Variants in SLC8A3 observed in about 807,000 individuals in gnomAD.
SLC8A3 encodes the protein sodium/calcium exchanger 3.
Under a neutral mutation model 65.4 loss-of-function variants are expected in SLC8A3, and 37 were observed. The observed-to-expected ratio is 0.57, with a 90% CI of 0.44 to 0.74. The LOEUF (loss-of-function observed/expected upper bound fraction) is 0.74. Among genes scored for constraint, SLC8A3 ranks in the 30% least tolerant of loss-of-function variants. The pLI is 0.00. For missense variants in SLC8A3, 1,112 were observed against 1,172.1 expected (o/e 0.95, Z 0.75); for synonymous variants, 461 against 444.5 (o/e 1.04, Z -0.47).
At chr14:70,164,301 C>T (rs1594788244) in intron 2 of SLC8A3, among the ~76,000 whole-genome samples, 2 of 152,240 alleles carry the variant, frequency 1.3e-5, no homozygotes, top group Non-Finnish European at 1.5e-5. Context: ...GTAATACTGC[C>T]TCTAGTTGTA....
At chr14:70,123,064 C>T (rs1276196959) in intron 2 of SLC8A3, among the ~76,000 whole-genome samples, 1 of 122,840 alleles carries the variant, frequency 8.1e-6, no homozygotes, top group African/African-American at 3.1e-5. Flanking sequence ...CACAGCAAGA[C>T]TCCATCTCCA....
At chr14:70,108,097 G>A (rs1892999631) in intron 2 of SLC8A3, among the ~76,000 whole-genome samples, 1 of 152,130 alleles carries the variant, frequency 6.6e-6, no homozygotes, top group Non-Finnish European at 1.5e-5. Flanking sequence ...TCATATCTGA[G>A]TGCCTGGTAC....
chr14:70,183,190 T>C lies in SLC8A3; in HGVS notation c.-63+5189A>G, dbSNP rs1253645012. ...CACACAACTAGGAAAGCCCTATTTGTCCTTCCAAATATCAAGGCAGTAAAT... is the reference window on the plus strand; with the variant it reads ...CACACAACTAGGAAAGCCCTATTTGCCCTTCCAAATATCAAGGCAGTAAAT... On this transcript the variant is annotated intron_variant, in intron 1 of 6. Transcript: ENST00000356921. Among the ~76,000 whole-genome samples the C allele has an allele frequency of 2.6e-5, 4 of 152,344 alleles. No individual in the cohort carries two copies. The East Asian group carries it at 7.7e-4, about 29-fold the overall frequency.
At chr14:70,177,805 C>T (rs975430165) in intron 1 of SLC8A3, among the ~76,000 whole-genome samples, 2 of 152,082 alleles carry the variant, frequency 1.3e-5, no homozygotes, top group African/African-American at 2.4e-5. Flanking sequence ...ATAGGAGGGA[C>T]AAGATCAATG....
At chr14:70,091,099 C>G (rs1483464469) in intron 2 of SLC8A3, among the ~76,000 whole-genome samples, 2 of 152,210 alleles carry the variant, frequency 1.3e-5, no homozygotes, top group Non-Finnish European at 2.9e-5. Context: ...ATAATGTGCA[C>G]TGCTGGGCAG....
intron 2 of SLC8A3, among the ~76,000 whole-genome samples, chr14:70,123,292 CT>C (rs1167748073): frequency 6.6e-6 from 1 of 151,844 alleles, no homozygotes; most frequent in African/African-American, 2.4e-5. Flanking sequence ...ATTATTCCAC[CT>C]TTTAAAATAA....
At chr14:70,121,247 T>A (rs1329289097) in intron 2 of SLC8A3, among the ~76,000 whole-genome samples, 1 of 152,128 alleles carries the variant, frequency 6.6e-6, no homozygotes, top group Non-Finnish European at 1.5e-5. Context: ...CCTACGCCAG[T>A]CATTCTGAGT....
At chr14:70,186,772 T>C (rs555551380) in intron 1 of SLC8A3, among the ~76,000 whole-genome samples, 1 of 152,276 alleles carries the variant, frequency 6.6e-6, no homozygotes, top group African/African-American at 2.4e-5. Context: ...AGACCTGCAA[T>C]GCATGAAGGG....
intron 2 of SLC8A3, among the ~76,000 whole-genome samples, chr14:70,063,407 G>A (rs1479960413): frequency 2.6e-5 from 4 of 152,336 alleles, no homozygotes; most frequent in Non-Finnish European, 4.4e-5. Context: ...TGTGCTGAAA[G>A]CCTGTTTCTC....
intron 2 of SLC8A3, among the ~76,000 whole-genome samples, chr14:70,164,875 A>G (rs929399955): frequency 6.6e-6 from 1 of 152,174 alleles, no homozygotes; most frequent in African/African-American, 2.4e-5. Flanking sequence ...GTATGTATAA[A>G]CACTCTCCCC....
At chr14:70,150,496 C>A (rs1896200538) in intron 2 of SLC8A3, among the ~76,000 whole-genome samples, 1 of 152,152 alleles carries the variant, frequency 6.6e-6, no homozygotes, top group East Asian at 1.9e-4. Flanking sequence ...CTGTCTTGAA[C>A]TCATCAAGAC....
intron 2 of SLC8A3, among the ~76,000 whole-genome samples, chr14:70,158,021 T>C (rs948627895): frequency 2.0e-5 from 3 of 151,008 alleles, no homozygotes. Flanking sequence ...CTATCTGGAG[T>C]AGGTTAAGAT....
In SLC8A3 at chr14:70,045,810, T is replaced by G; in HGVS notation, c.*137A>C. 1 of 787,862 alleles carries G rather than the reference T, an allele frequency of 1.3e-6. No homozygotes were observed. The highest frequency in any genetic ancestry group is 2.0e-6 in the Non-Finnish European group (1 of 512,122). The allele number at this position is 787,862 out of a possible 1,614,324, so 48.8% of individuals were successfully genotyped here. A position where few individuals can be genotyped will look rare whatever the true frequency, so the allele number is the denominator to read the frequency against. Reference sequence around the variant, plus strand: ...TTTCAGTTAATTGCCAGGGCCTAAGTTGGGTGAAGTTCCTGGGGCTTAGGT... The same window carrying G: ...TTTCAGTTAATTGCCAGGGCCTAAGGTGGGTGAAGTTCCTGGGGCTTAGGT... On this transcript the variant is annotated 3_prime_UTR_variant, in exon 7 of 7. Transcript: ENST00000356921.
At chr14:70,146,013 T>A (rs939667950) in intron 2 of SLC8A3, among the ~76,000 whole-genome samples, 6 of 151,902 alleles carry the variant, frequency 3.9e-5, no homozygotes, top group Non-Finnish European at 5.9e-5. Flanking sequence ...AGACAGCATG[T>A]CCAAATGATA....
At chr14:70,079,277 A>T (rs1890817942) in intron 2 of SLC8A3, among the ~76,000 whole-genome samples, 1 of 145,270 alleles carries the variant, frequency 6.9e-6, no homozygotes, top group African/African-American at 2.6e-5. Flanking sequence ...TGGGGTCAGG[A>T]GTTCGAGACC....
intron 2 of SLC8A3, among the ~76,000 whole-genome samples, chr14:70,065,185 A>G (rs1889283148): frequency 6.6e-6 from 1 of 152,088 alleles, no homozygotes; most frequent in African/African-American, 2.4e-5. Flanking sequence ...GAATCTTTAC[A>G]TTCTAAATGG....
At chr14:70,109,957 C>T (rs1046658608) in intron 2 of SLC8A3, among the ~76,000 whole-genome samples, 6 of 152,182 alleles carry the variant, frequency 3.9e-5, no homozygotes, top group African/African-American at 1.2e-4. Context: ...AATCCCCTTC[C>T]TCTAAAGTTA....
At chr14:70,072,812 T>C (rs1890134278) in intron 2 of SLC8A3, among the ~76,000 whole-genome samples, 1 of 152,128 alleles carries the variant, frequency 6.6e-6, no homozygotes, top group Non-Finnish European at 1.5e-5. Context: ...TAAACCCAGC[T>C]AATTTTTGTA....
intron 2 of SLC8A3, among the ~76,000 whole-genome samples, chr14:70,153,618 G>T (rs1017607870): frequency 1.3e-5 from 2 of 152,160 alleles, no homozygotes; most frequent in African/African-American, 4.8e-5. Context: ...TGAGGACAGG[G>T]ACTGTGCCTT....
Sources: gnomAD v4.1 joint callset for allele counts (sites outside exome capture counted in the v4.1 genomes callset) on GRCh38, gnomAD v4.1.1 for gene constraint, MANE v1.5 for transcripts, NCBI Gene and HGNC (gene_info 2026-07-23, HGNC 2026-07-21) for gene names.